Variants in FAM227A observed in about 807,000 individuals in gnomAD.
The protein encoded by FAM227A is family with sequence similarity 227 member A, also known as protein FAM227A.
Under a neutral mutation model 74.7 loss-of-function variants are expected in FAM227A, and 80 were observed. That is an observed-to-expected ratio of 1.07 (90% CI 0.89 to 1.29). The LOEUF (loss-of-function observed/expected upper bound fraction) is 1.29. Ranked by LOEUF, FAM227A falls within the 50% of genes most tolerant of loss-of-function variation. The pLI is 0.00. For missense variants in FAM227A, 654 were observed against 683.4 expected (o/e 0.96, Z 0.48); for synonymous variants, 237 against 241.8 (o/e 0.98, Z 0.19).
chr22:38,600,585 G>T (rs1187417992), intron 13 of FAM227A, among the ~76,000 whole-genome samples: 1 of 151,692 alleles, frequency 6.6e-6, no homozygotes, highest in South Asian at 2.1e-4. Context: ...TAATCTGCCC[G>T]CCTTGGCCTC....
Position 38,605,239 on chromosome 22 carries a change from C to T in FAM227A, c.1221+15G>A, listed in dbSNP as rs1274545740. ...GGAATCACCTTTACTATTAAATTTC[C>T]AATCATGTGCTCACCTTTTTAGGAA... On this transcript the variant is annotated intron_variant, in intron 13 of 16. Coordinates refer to ENST00000535113, the MANE Select transcript of FAM227A (RefSeq NM_001013647.2). 3.4e-6 allele frequency: 5 copies of T among 1,461,816 alleles called. No individual in the cohort carries two copies. In the Admixed American group the frequency reaches 9.9e-5, roughly 29 times the overall value. The allele number at this position is 1,461,816 out of a possible 1,614,324, so 90.6% of individuals were successfully genotyped here. A position where few individuals can be genotyped will look rare whatever the true frequency, so the allele number is the denominator to read the frequency against.
chr22:38,606,974 C>T (rs1381117519), intron 12 of FAM227A, among the ~76,000 whole-genome samples: 3 of 151,938 alleles, frequency 2.0e-5, no homozygotes, highest in South Asian at 2.1e-4. Context: ...GTCAGGAGTT[C>T]GAGACCAGCC....
chr22:38,600,039 T>G, intron 13 of FAM227A, 118 bp from the exon 14 acceptor site: 1 of 964,864 alleles, frequency 1.0e-6, no homozygotes, highest in Non-Finnish European at 1.5e-6. Flanking sequence ...AGTTTTAGGA[T>G]GCACCCTAAG....
At position 38,600,308 on chromosome 22, in the gene FAM227A, G is replaced by C. The variant is rs558167844; in HGVS notation, c.1222-387C>G. On this transcript the variant is annotated intron_variant, in intron 13 of 16. Coordinates refer to ENST00000535113, the MANE Select transcript of FAM227A (RefSeq NM_001013647.2). ...GTTTTTTATATGTGTGTGTGTATGT[G>C]TATGTATGTATATATATATATATAT... Among the ~76,000 whole-genome samples the C allele has an allele frequency of 2.8e-3, 403 of 142,986 alleles. 2 individuals carry two copies. The highest frequency in any genetic ancestry group is 0.011 in the African/African-American group (387 of 36,772). The allele number at this position is 142,986 out of a possible 152,430, so 93.8% of individuals were successfully genotyped here.
At position 38,613,123 on chromosome 22, in the gene FAM227A, TA is replaced by T. The variant is rs1342164853; in HGVS notation, c.1039-5648del. 7.5e-3 allele frequency among the ~76,000 whole-genome samples: 702 copies of T among 93,774 alleles called. 12 individuals carry two copies. Among genetic ancestry groups the T allele is most frequent in the African/African-American group, 0.029 (649 of 22,662 alleles). 61.5% of individuals were successfully genotyped at this position (93,774 alleles called of 152,430 possible). On this transcript the variant is annotated intron_variant, in intron 11 of 16. Transcript: ENST00000535113. ...TATATAATTATATATATATTATATA[TA>T]ATTATATATATAATATATATATTAT... is the stretch of plus-strand genomic sequence containing the variant.
intron 11 of FAM227A, among the ~76,000 whole-genome samples, chr22:38,611,133 G>A (rs1276070333): frequency 1.3e-5 from 2 of 152,196 alleles, no homozygotes; most frequent in African/African-American, 2.4e-5. Flanking sequence ...GGGTGTATGA[G>A]GCAAGGTGAC....
chr22:38,582,048 G>A lies in FAM227A; in HGVS notation c.*4077C>T, dbSNP rs1408259470. On this transcript the variant is annotated 3_prime_UTR_variant, in exon 17 of 17. Coordinates refer to ENST00000535113, the MANE Select transcript of FAM227A (RefSeq NM_001013647.2). ...GTGAGCCACCATGCCTGGCCTGTTC[G>A]TTTTTTAACAAAGCTTTATCGAAGT... 3.5e-5 allele frequency: 10 copies of A among 289,242 alleles called. No individual in the cohort carries two copies. The highest frequency in any genetic ancestry group is 2.9e-4 in the East Asian group (4 of 13,954). The allele number at this position is 289,242 out of a possible 1,614,324, so 17.9% of individuals were successfully genotyped here.
In FAM227A at chr22:38,579,930, CTTTTTA is replaced by C. The variant is rs1427936760; in HGVS notation, c.*6189_*6194del. 2.0e-5 allele frequency: 3 copies of C among 146,390 alleles called. No homozygotes were observed. Among genetic ancestry groups the C allele is most frequent in the South Asian group, 2.1e-4 (1 of 4,668 alleles). The allele number at this position is 146,390 out of a possible 1,614,324, so 9.1% of individuals were successfully genotyped here. On this transcript the variant is annotated 3_prime_UTR_variant, in exon 17 of 17. Transcript: ENST00000535113. ...TAATTGATTGATGTCTTTTTTTTTT[CTTTTTA>C]GAGATGTGGTCTCATTCTGTCACCT...
At chr22:38,608,644 T>G (rs983939951) in intron 11 of FAM227A, among the ~76,000 whole-genome samples, 1 of 151,904 alleles carries the variant, frequency 6.6e-6, no homozygotes, top group Non-Finnish European at 1.5e-5. Flanking sequence ...ATGGTCAGGT[T>G]GGTCTCGAAC....
At chr22:38,652,162 A>C (rs1369264191) in intron 1 of FAM227A, among the ~76,000 whole-genome samples, 4 of 151,188 alleles carry the variant, frequency 2.6e-5, no homozygotes, top group Non-Finnish European at 5.9e-5. Context: ...TTCCAGCCTG[A>C]AAGACAGAGT....
intron 2 of FAM227A, among the ~76,000 whole-genome samples, chr22:38,646,879 G>A (rs1303477687): frequency 6.6e-6 from 1 of 151,988 alleles, no homozygotes; most frequent in Non-Finnish European, 1.5e-5. Context: ...GGCTGGGCAC[G>A]GTGGCTCACT....
At chr22:38,609,777 T>C (rs1042717615) in intron 11 of FAM227A, among the ~76,000 whole-genome samples, 1 of 152,052 alleles carries the variant, frequency 6.6e-6, no homozygotes, top group Non-Finnish European at 1.5e-5. Flanking sequence ...TTCTTTCTTT[T>C]TTTTTTTGTT....
intron 11 of FAM227A, among the ~76,000 whole-genome samples, chr22:38,611,092 T>C (rs377383476): frequency 1.3e-5 from 2 of 151,988 alleles, no homozygotes; most frequent in East Asian, 3.8e-4. Context: ...TCCTATCCAT[T>C]CCCCGATGTT....
chr22:38,635,939 T>C (rs2091995130), intron 6 of FAM227A, among the ~76,000 whole-genome samples: 1 of 151,200 alleles, frequency 6.6e-6, no homozygotes. Context: ...TGCAGTGAGC[T>C]ATGATAGTGC....
intron 16 of FAM227A, among the ~76,000 whole-genome samples, chr22:38,589,276 A>G (rs1340069766): frequency 6.6e-6 from 1 of 152,162 alleles, no homozygotes; most frequent in Non-Finnish European, 1.5e-5. Context: ...TGAACCCCGC[A>G]CAGGAAGCAT....
intron 15 of FAM227A, among the ~76,000 whole-genome samples, chr22:38,595,510 A>C (rs2091024989): frequency 6.6e-6 from 1 of 152,248 alleles, no homozygotes; most frequent in Non-Finnish European, 1.5e-5. Flanking sequence ...ACCATTTTGC[A>C]ACCTTAAATG....
At position 38,605,349 on chromosome 22, in the gene FAM227A, C is replaced by A; in HGVS notation, c.1127-1G>T. 1 of 1,529,368 alleles carries A rather than the reference C, an allele frequency of 6.5e-7. No individual in the cohort carries two copies. Among genetic ancestry groups the A allele is most frequent in the Non-Finnish European group, 8.9e-7 (1 of 1,126,482 alleles). 94.7% of individuals were successfully genotyped at this position (1,529,368 alleles called of 1,614,324 possible). On this transcript the variant is annotated splice_acceptor_variant, in intron 12 of 16. Transcript: ENST00000535113. LOFTEE classifies it high-confidence loss of function. ...AAGACCAGGGTCTGACAATGATGCTCTGTCAATGTGACATTAGCAAGAAAA... is the reference window on the plus strand; with the variant it reads ...AAGACCAGGGTCTGACAATGATGCTATGTCAATGTGACATTAGCAAGAAAA...
In FAM227A at chr22:38,580,005, C is replaced by T. The variant is rs565002568; in HGVS notation, c.*6120G>A. The T allele has an allele frequency of 5.3e-5, 8 of 152,070 alleles. No individual in the cohort carries two copies. Among genetic ancestry groups the T allele is most frequent in the Non-Finnish European group, 8.8e-5 (6 of 68,048 alleles). The allele number at this position is 152,070 out of a possible 1,614,324, so 9.4% of individuals were successfully genotyped here. A position where few individuals can be genotyped will look rare whatever the true frequency, so the allele number is the denominator to read the frequency against. On this transcript the variant is annotated 3_prime_UTR_variant, in exon 17 of 17. Transcript: ENST00000535113. Reference sequence around the variant, plus strand: ...GCATGATCATAGCTCACTGCACCCTCCAACTCCCAGGCTTAAGCAATTCTC... The same window carrying T: ...GCATGATCATAGCTCACTGCACCCTTCAACTCCCAGGCTTAAGCAATTCTC...
rs1341791420 is a variant in FAM227A, at chr22:38,597,346, G to A, written c.1390C>T (p.Pro464Ser). 1.3e-6 allele frequency: 2 copies of A among 1,551,644 alleles called. No homozygotes were observed. The highest frequency in any genetic ancestry group is 1.2e-5 in the South Asian group (1 of 84,054). Reference sequence around the variant, plus strand: ...TCGCTGATGACATCAGTATACGTTGGGGTGCAGTCAGTGGCTTCCGCTGTC... The same window carrying A: ...TCGCTGATGACATCAGTATACGTTGAGGTGCAGTCAGTGGCTTCCGCTGTC... The part of the protein sequence containing the change: ...EKTTSTPDCT[P>S]TYTDVISETL... Residue 464 changes from proline (P) to serine (S), a missense_variant, in exon 15 of 17, where the codon CCA becomes TCA. Physicochemically the swap from Pro to Ser is moderately conservative, Grantham distance 74. Transcript: ENST00000535113.
Sources: gnomAD v4.1 joint callset for allele counts (sites outside exome capture counted in the v4.1 genomes callset) on GRCh38, gnomAD v4.1.1 for gene constraint, MANE v1.5 for transcripts, NCBI Gene and HGNC (gene_info 2026-07-23, HGNC 2026-07-21) for gene names.